SEMA5A: variants seen among roughly 807,000 people sequenced by gnomAD.
SEMA5A encodes the protein semaphorin 5A.
Under a neutral mutation model 135.5 loss-of-function variants are expected in SEMA5A, and 55 were observed. That is an observed-to-expected ratio of 0.41 (90% CI 0.33 to 0.51). The LOEUF is 0.51. Ranked by LOEUF, SEMA5A falls within the 20% of genes least tolerant of loss-of-function variation. The probability of loss-of-function intolerance (pLI) is 0.37; values close to 1 mark genes in which losing one functional copy is unlikely to be tolerated. For missense variants in SEMA5A, 1,290 were observed against 1,419.9 expected, an observed-to-expected ratio of 0.91 and a Z score of 1.47; for synonymous variants, 580 against 546.5, an observed-to-expected ratio of 1.06 and a Z score of -0.85.
chr5:9,103,438 C>T (rs1056594233), intron 16 of SEMA5A, among the ~76,000 whole-genome samples: 7 of 152,158 alleles, frequency 4.6e-5, no homozygotes, highest in Admixed American at 1.3e-4. Flanking sequence ...CTCTGACTGA[C>T]CCTCGCAGAA....
chr5:9,108,025 G>GTGCAGAACATTTATTGTT, intron 16 of SEMA5A, 115 bp downstream of exon 16: 1 of 1,323,772 alleles, frequency 7.6e-7, no homozygotes. Flanking sequence ...CCTCTAGTGT[G>GTGCAGAACATTTATTGTT]TGCAGAACAT....
chr5:9,180,230 A>G (rs994365499), intron 11 of SEMA5A, among the ~76,000 whole-genome samples: 1 of 152,200 alleles, frequency 6.6e-6, no homozygotes, highest in Non-Finnish European at 1.5e-5. Context: ...AAAGAAGGTC[A>G]AATAGGGTAC....
chr5:9,539,723 G>C (rs970609597), intron 1 of SEMA5A, among the ~76,000 whole-genome samples: 1 of 152,134 alleles, frequency 6.6e-6, no homozygotes, highest in Admixed American at 6.5e-5. Context: ...TGCTCAGAAA[G>C]TTTCAGATTT....
intron 1 of SEMA5A, among the ~76,000 whole-genome samples, chr5:9,522,347 C>A (rs916646763): frequency 2.0e-5 from 3 of 152,138 alleles, no homozygotes; most frequent in Non-Finnish European, 2.9e-5. Context: ...CTTTGGGAGG[C>A]TAAGATGGGC....
intron 16 of SEMA5A, among the ~76,000 whole-genome samples, chr5:9,086,862 T>G (rs1738723679): frequency 6.6e-6 from 1 of 152,250 alleles, no homozygotes; most frequent in Non-Finnish European, 1.5e-5. Flanking sequence ...ATAATTAAAT[T>G]TATTATTGAG....
chr5:9,121,951 G>A (rs181722648), intron 14 of SEMA5A, among the ~76,000 whole-genome samples: 1 of 152,108 alleles, frequency 6.6e-6, no homozygotes, highest in East Asian at 1.9e-4. Flanking sequence ...GTGGGCTCAT[G>A]GAAAGCAGAT....
At chr5:9,200,084 A>T (rs540421530) in intron 9 of SEMA5A, among the ~76,000 whole-genome samples, 12 of 152,312 alleles carry the variant, frequency 7.9e-5, no homozygotes, top group Middle Eastern at 6.8e-3. Flanking sequence ...GAGACATGAA[A>T]AGGAGGTGGA....
intron 2 of SEMA5A, among the ~76,000 whole-genome samples, chr5:9,406,853 G>A (rs1756905485): frequency 1.3e-5 from 2 of 152,166 alleles, no homozygotes; most frequent in Admixed American, 6.5e-5. Context: ...ATTTCAAACA[G>A]GTCTTTCAGT....
chr5:9,381,023 T>C (rs904149780), intron 2 of SEMA5A, among the ~76,000 whole-genome samples: 1 of 152,174 alleles, frequency 6.6e-6, no homozygotes, highest in Non-Finnish European at 1.5e-5. Context: ...CTGTACTCGA[T>C]CTAGGAAGTT....
chr5:9,128,283 T>A lies in SEMA5A; in HGVS notation c.1600-5446A>T, dbSNP rs544149742. Among the ~76,000 whole-genome samples, 18 of 152,296 alleles carry A rather than the reference T, an allele frequency of 1.2e-4. No individual in the cohort carries two copies. The South Asian group carries it at 3.7e-3, about 32-fold the overall frequency. ...CTATAAGCCAATCATGGCAACCCCT[T>A]CAGTTGGGCCAGTGCTGGGTCTAGA... is the stretch of plus-strand genomic sequence containing the variant. On this transcript the variant is annotated intron_variant, in intron 13 of 22. Coordinates refer to ENST00000382496, the MANE Select transcript of SEMA5A (RefSeq NM_003966.3).
intron 11 of SEMA5A, among the ~76,000 whole-genome samples, chr5:9,184,160 C>G (rs1273740708): frequency 6.6e-6 from 1 of 151,684 alleles, no homozygotes; most frequent in South Asian, 2.1e-4. Context: ...ATGCTCAATT[C>G]ACATTTTCTT....
intron 11 of SEMA5A, among the ~76,000 whole-genome samples, chr5:9,155,398 C>G (rs1742898945): frequency 6.6e-6 from 1 of 151,148 alleles, no homozygotes; most frequent in Non-Finnish European, 1.5e-5. Flanking sequence ...ACTGCTAGCA[C>G]TGCTGGAGGG....
chr5:9,057,031 G>A (rs1283843656), intron 18 of SEMA5A, among the ~76,000 whole-genome samples: 1 of 152,186 alleles, frequency 6.6e-6, no homozygotes, highest in Non-Finnish European at 1.5e-5. Flanking sequence ...GACACTGAAA[G>A]ACAAATAATA....
At chr5:9,054,424 A>ACCCCTC (rs1407367976) in intron 18 of SEMA5A, among the ~76,000 whole-genome samples, 167 bp from the exon 19 acceptor site, 4 of 151,662 alleles carry the variant, frequency 2.6e-5, no homozygotes, top group African/African-American at 9.7e-5. Context: ...AAGGCTTCTG[A>ACCCCTC]CCCCTCGCAG....
At chr5:9,101,700 G>A (rs1428277856) in intron 16 of SEMA5A, among the ~76,000 whole-genome samples, 1 of 152,066 alleles carries the variant, frequency 6.6e-6, no homozygotes, top group Non-Finnish European at 1.5e-5. Flanking sequence ...AGTAAGAACA[G>A]CTTCCAGACA....
chr5:9,079,749 T>A (rs530566380), intron 16 of SEMA5A, among the ~76,000 whole-genome samples: 1 of 152,132 alleles, frequency 6.6e-6, no homozygotes, highest in Admixed American at 6.5e-5. Context: ...TATGAACAGA[T>A]ACTTCTCAAA....
intron 3 of SEMA5A, among the ~76,000 whole-genome samples, chr5:9,355,245 T>C (rs1754390006): frequency 6.6e-6 from 1 of 152,128 alleles, no homozygotes; most frequent in Non-Finnish European, 1.5e-5. Context: ...AACCCTTGTC[T>C]ATGGCACTAG....
chr5:9,109,067 G>C (rs1579409369), intron 15 of SEMA5A, among the ~76,000 whole-genome samples: 1 of 84,418 alleles, frequency 1.2e-5, no homozygotes, highest in Non-Finnish European at 2.1e-5. Flanking sequence ...TTGAGACGGA[G>C]TCTCGCTCTG....
intron 5 of SEMA5A, among the ~76,000 whole-genome samples, chr5:9,308,673 T>C (rs1350913274): frequency 2.6e-5 from 4 of 152,140 alleles, no homozygotes; most frequent in African/African-American, 9.7e-5. Flanking sequence ...TGCTGGCCAG[T>C]ACAAATGAGT....
Sources: gnomAD v4.1 joint callset for allele counts (sites outside exome capture counted in the v4.1 genomes callset) on GRCh38, gnomAD v4.1.1 for gene constraint, MANE v1.5 for transcripts, NCBI Gene and HGNC (gene_info 2026-07-23, HGNC 2026-07-21) for gene names.